The following RALGAPA1 variants were observed in gnomAD, a reference collection of about 807,000 sequenced individuals.
RALGAPA1 encodes Ral GTPase activating protein catalytic subunit alpha 1.
In RALGAPA1, 52 loss-of-function variants were observed where a neutral mutation model predicts 269.6. The observed-to-expected ratio is 0.19, with a 90% CI of 0.15 to 0.24. RALGAPA1 has a LOEUF of 0.24. RALGAPA1 is among the 10% of genes least tolerant of loss of function. RALGAPA1 has a pLI of 1.00. For synonymous variants in RALGAPA1, 817 were observed against 1,008.3 expected (o/e 0.81, Z 3.60); for missense variants, 1,917 against 3,013.9 (o/e 0.64, Z 8.52).
intron 35 of RALGAPA1, among the ~76,000 whole-genome samples, chr14:35,609,222 G>GT (rs776219728): frequency 7.4e-5 from 11 of 148,420 alleles, no homozygotes; most frequent in Non-Finnish European, 1.6e-4. Flanking sequence ...GCGACACTCC[G>GT]TCTCAAAAAA....
At chr14:35,710,631 T>C (rs1032850720) in intron 16 of RALGAPA1, among the ~76,000 whole-genome samples, 13 of 152,220 alleles carry the variant, frequency 8.5e-5, no homozygotes, top group African/African-American at 2.7e-4. Flanking sequence ...TGCTTTGTCA[T>C]GCACTGCATA....
At chr14:35,729,769 G>T (rs1026761209) in intron 12 of RALGAPA1, among the ~76,000 whole-genome samples, 1 of 152,128 alleles carries the variant, frequency 6.6e-6, no homozygotes, top group Non-Finnish European at 1.5e-5. Context: ...CACACTACCT[G>T]TAGTGAAAGA....
Position 35,674,652 on chromosome 14 carries a change from CCAGT to C in RALGAPA1, c.4678_4681del (p.Thr1560AspfsTer9). 1 of 1,565,234 alleles carries C rather than the reference CCAGT, an allele frequency of 6.4e-7. No homozygotes were observed. The highest frequency in any genetic ancestry group is 8.8e-7 in the Non-Finnish European group (1 of 1,137,452). On this transcript the variant is annotated frameshift_variant, in exon 23 of 42. Coordinates refer to ENST00000680220, the MANE Select transcript of RALGAPA1 (RefSeq NM_001346249.2). LOFTEE classifies it high-confidence loss of function. The stretch of plus-strand genomic sequence containing the variant: ...TACAGTAGCAACATCAGCATGCCAT[CCAGT>C]CAGAGTACCTCCTGCCATCACACTA...
intron 12 of RALGAPA1, among the ~76,000 whole-genome samples, chr14:35,737,482 C>T (rs923282760): frequency 1.7e-5 from 2 of 117,450 alleles, no homozygotes; most frequent in Non-Finnish European, 1.9e-5. Flanking sequence ...CACAGTTGGG[C>T]GTGGTGGCTC....
At position 35,756,778 on chromosome 14, in the gene RALGAPA1, G is replaced by A; in HGVS notation, c.663+15C>T. ...GGATAGTAAGGAGTGTGATATCAAA[G>A]AAGATAACAAGTACCTGAATGACTA... On this transcript the variant is annotated intron_variant, in intron 7 of 41. Transcript: ENST00000680220. The A allele has an allele frequency of 3.9e-6, 6 of 1,546,462 alleles. No homozygotes were observed. The highest frequency in any genetic ancestry group is 5.3e-6 in the Non-Finnish European group (6 of 1,123,500).
chr14:35,644,267 C>T (rs1434043862), intron 31 of RALGAPA1, among the ~76,000 whole-genome samples: 1 of 152,098 alleles, frequency 6.6e-6, no homozygotes, highest in Non-Finnish European at 1.5e-5. Context: ...AGTGAAAAAT[C>T]CAAAGCAAAG....
chr14:35,668,662 T>C (rs2064154154), intron 26 of RALGAPA1, among the ~76,000 whole-genome samples: 2 of 152,026 alleles, frequency 1.3e-5, no homozygotes, highest in Non-Finnish European at 1.5e-5. Context: ...ATATGGTGCC[T>C]GGGACTCTAG....
chr14:35,766,561 A>G, intron 4 of RALGAPA1: 1 of 848,784 alleles, frequency 1.2e-6, no homozygotes, highest in Non-Finnish European at 2.0e-6. Flanking sequence ...GCAAGATCTG[A>G]TGGGCTACAA....
intron 16 of RALGAPA1, among the ~76,000 whole-genome samples, chr14:35,710,471 T>C (rs1181052934): frequency 6.6e-6 from 1 of 152,210 alleles, no homozygotes; most frequent in African/African-American, 2.4e-5. Context: ...TTGGCCAGGC[T>C]GGTCTCAAAC....
chr14:35,645,011 T>C (rs972475837), intron 31 of RALGAPA1, among the ~76,000 whole-genome samples: 4 of 152,198 alleles, frequency 2.6e-5, no homozygotes, highest in Non-Finnish European at 5.9e-5. Context: ...GCATTACAAA[T>C]ACTTTACACT....
chr14:35,623,952 G>A (rs548088145), intron 35 of RALGAPA1, among the ~76,000 whole-genome samples: 94 of 151,824 alleles, frequency 6.2e-4, no homozygotes, highest in African/African-American at 2.2e-3. Context: ...GCGTGGTGGC[G>A]GGCAAGTGCC....
chr14:35,640,015 A>C (rs545971066), intron 31 of RALGAPA1, among the ~76,000 whole-genome samples: 1 of 152,070 alleles, frequency 6.6e-6, no homozygotes, highest in African/African-American at 2.4e-5. Context: ...TTAAGAAAAA[A>C]ACTGAAAGTT....
chr14:35,612,138 C>G (rs966296733), intron 35 of RALGAPA1, among the ~76,000 whole-genome samples: 10 of 152,008 alleles, frequency 6.6e-5, no homozygotes, highest in African/African-American at 2.4e-4. Context: ...CTTTGGGAGG[C>G]TGTTAGGAAG....
chr14:35,707,609 G>T (rs2067919698), intron 16 of RALGAPA1: 1 of 152,082 alleles, frequency 6.6e-6, no homozygotes, highest in South Asian at 2.1e-4. Context: ...ATTGCATTAG[G>T]GTAATGCAGT....
At chr14:35,744,534 ACTTAT>A (rs754663848) in intron 10 of RALGAPA1, among the ~76,000 whole-genome samples, 18 of 152,204 alleles carry the variant, frequency 1.2e-4, no homozygotes, top group Non-Finnish European at 2.1e-4. Context: ...GGTCAAATGA[ACTTAT>A]CTTATCGGAA....
chr14:35,552,142 A>G (rs1178389539), intron 39 of RALGAPA1, among the ~76,000 whole-genome samples: 1 of 152,152 alleles, frequency 6.6e-6, no homozygotes, highest in Non-Finnish European at 1.5e-5. Flanking sequence ...AAAACAAGCC[A>G]ACCCAATCTA....
At chr14:35,552,806 A>G (rs2055155398) in intron 39 of RALGAPA1, among the ~76,000 whole-genome samples, 1 of 152,134 alleles carries the variant, frequency 6.6e-6, no homozygotes, top group African/African-American at 2.4e-5. Flanking sequence ...TACAAAAGGA[A>G]AAAAGGGGGG....
At chr14:35,759,069 G>A (rs970596141) in intron 6 of RALGAPA1, among the ~76,000 whole-genome samples, 1 of 152,092 alleles carries the variant, frequency 6.6e-6, no homozygotes, top group African/African-American at 2.4e-5. Context: ...CTACAGCATA[G>A]GCAACAAAGC....
intron 26 of RALGAPA1, among the ~76,000 whole-genome samples, chr14:35,669,493 A>G (rs2064223904): frequency 6.6e-6 from 1 of 152,152 alleles, no homozygotes; most frequent in Non-Finnish European, 1.5e-5. Flanking sequence ...ACCTCAGGTG[A>G]TCCACCCGCC....
Sources: gnomAD v4.1 joint callset for allele counts (sites outside exome capture counted in the v4.1 genomes callset) on GRCh38, gnomAD v4.1.1 for gene constraint, MANE v1.5 for transcripts, NCBI Gene and HGNC (gene_info 2026-07-23, HGNC 2026-07-21) for gene names.